SEM1: variants seen among roughly 807,000 people sequenced by gnomAD.
The protein encoded by SEM1 is SEM1 26S proteasome subunit, also known as 26S proteasome complex subunit SEM1.
A neutral mutation model predicts 12.7 loss-of-function variants in SEM1; 3 were observed. The ratio of observed to expected loss-of-function variants is 0.24; its 90% CI spans 0.11 to 0.61. SEM1 has a LOEUF of 0.61. Among genes scored for constraint, SEM1 ranks in the 20% least tolerant of loss-of-function variants. The pLI, the probability that SEM1 is intolerant of heterozygous loss-of-function variation, is 0.88. For missense variants in SEM1, 59 were observed against 81.3 expected, an observed-to-expected ratio of 0.73 and a Z score of 1.06; for synonymous variants, 30 against 27.8, an observed-to-expected ratio of 1.08 and a Z score of -0.25.
chr7:96,553,114 G>C (rs573919949), intron 2 of SEM1, among the ~76,000 whole-genome samples: 1 of 152,226 alleles, frequency 6.6e-6, no homozygotes, highest in South Asian at 2.1e-4. Context: ...AGATGAGTAG[G>C]TTGCGAAAAT....
chr7:96,530,130 T>C (rs1313284164), intron 2 of SEM1, among the ~76,000 whole-genome samples: 1 of 152,102 alleles, frequency 6.6e-6, no homozygotes, highest in Non-Finnish European at 1.5e-5. Flanking sequence ...AAGGCCAAGA[T>C]TACAGTGGAT....
intron 2 of SEM1, among the ~76,000 whole-genome samples, chr7:96,637,066 T>C (rs1808450105): frequency 6.6e-6 from 1 of 152,048 alleles, no homozygotes; most frequent in South Asian, 2.1e-4. Context: ...TTTAAGGCTA[T>C]TGTTAGCCAC....
intron 1 of SEM1, among the ~76,000 whole-genome samples, chr7:96,489,678 T>A (rs1255074541): frequency 6.6e-6 from 1 of 152,166 alleles, no homozygotes; most frequent in African/African-American, 2.4e-5. Context: ...ACCAAGTCAG[T>A]GTTTGCAGGC....
exon 4 of SEM1, chr7:96,481,960 T>C (rs899098090): frequency 3.9e-5 from 6 of 152,182 alleles, no homozygotes; most frequent in African/African-American, 1.4e-4. Context: ...GAACCAGGAA[T>C]GTGAACAAGA....
chr7:96,683,622 G>A (rs1233132913), intron 2 of SEM1, among the ~76,000 whole-genome samples: 1 of 152,106 alleles, frequency 6.6e-6, no homozygotes, highest in Non-Finnish European at 1.5e-5. Flanking sequence ...CAAAGACTTG[G>A]AACCAACCCA....
chr7:96,545,471 TA>T (rs1184455776), intron 2 of SEM1, among the ~76,000 whole-genome samples: 1 of 151,878 alleles, frequency 6.6e-6, no homozygotes, highest in Non-Finnish European at 1.5e-5. Context: ...AAAAAAAATT[TA>T]AGACCAAGGA....
intron 2 of SEM1, among the ~76,000 whole-genome samples, chr7:96,524,399 T>C (rs1018315555): frequency 6.6e-6 from 1 of 152,150 alleles, no homozygotes; most frequent in Non-Finnish European, 1.5e-5. Flanking sequence ...CACACTAAAA[T>C]TGTAGCTAGT....
At chr7:96,577,539 G>A (rs935474342) in intron 2 of SEM1, among the ~76,000 whole-genome samples, 1 of 152,026 alleles carries the variant, frequency 6.6e-6, no homozygotes, top group Non-Finnish European at 1.5e-5. Context: ...TTGGCTCTTG[G>A]TGGATGGGTT....
chr7:96,670,251 G>A (rs1789280655), downstream of SEM1, among the ~76,000 whole-genome samples: 1 of 152,072 alleles, frequency 6.6e-6, no homozygotes, highest in African/African-American at 2.4e-5. Flanking sequence ...CATTAAATTA[G>A]ATCAAATATA....
intron 2 of SEM1, among the ~76,000 whole-genome samples, chr7:96,693,396 G>A (rs1202149157): frequency 6.6e-6 from 1 of 151,964 alleles, no homozygotes; most frequent in African/African-American, 2.4e-5. Flanking sequence ...AGAATGAGCT[G>A]AAGCCCTATT....
chr7:96,670,702 T>C (rs1184121947), downstream of SEM1, among the ~76,000 whole-genome samples: 1 of 152,224 alleles, frequency 6.6e-6, no homozygotes, highest in Non-Finnish European at 1.5e-5. Context: ...GGAAATTATA[T>C]ACTTCATTCA....
intron 2 of SEM1, among the ~76,000 whole-genome samples, chr7:96,641,738 C>G (rs1029108759): frequency 6.6e-6 from 1 of 151,862 alleles, no homozygotes; most frequent in South Asian, 2.1e-4. Flanking sequence ...TTGTCTTTAA[C>G]GTTTAAGTTT....
At chr7:96,497,935 G>T (rs1035843641), upstream of SEM1, among the ~76,000 whole-genome samples, 8 of 152,134 alleles carry the variant, frequency 5.3e-5, no homozygotes, top group Admixed American at 6.6e-5. Context: ...CTGATGAAGA[G>T]AGAAATAGAA....
intron 2 of SEM1, among the ~76,000 whole-genome samples, chr7:96,511,884 G>T (rs1480447696): frequency 6.6e-6 from 1 of 151,948 alleles, no homozygotes; most frequent in Non-Finnish European, 1.5e-5. Flanking sequence ...TTAAAGCAGG[G>T]CTTCTCAACA....
At chr7:96,520,790 A>G (rs758813438) in intron 2 of SEM1, among the ~76,000 whole-genome samples, 8 of 152,092 alleles carry the variant, frequency 5.3e-5, no homozygotes, top group Non-Finnish European at 8.8e-5. Flanking sequence ...GTGACTCAGG[A>G]GAAGACAGAG....
At chr7:96,686,288 T>C (rs952690302), downstream of SEM1, among the ~76,000 whole-genome samples, 2 of 152,142 alleles carry the variant, frequency 1.3e-5, no homozygotes, top group African/African-American at 2.4e-5. Context: ...CAAATACCAA[T>C]TTTCGGGTAC....
At chr7:96,577,625 T>C (rs1282641659) in intron 2 of SEM1, among the ~76,000 whole-genome samples, 1 of 152,060 alleles carries the variant, frequency 6.6e-6, no homozygotes, top group Non-Finnish European at 1.5e-5. Flanking sequence ...TTCAAAGAAT[T>C]CAATGCCCTT....
At chr7:96,608,820 C>T (rs1205080058) in intron 2 of SEM1, among the ~76,000 whole-genome samples, 1 of 152,192 alleles carries the variant, frequency 6.6e-6, no homozygotes, top group Non-Finnish European at 1.5e-5. Context: ...ATCCCTTCAT[C>T]AATTCATGGA....
At chr7:96,679,495 T>C (rs979612448) in intron 2 of SEM1, among the ~76,000 whole-genome samples, 1 of 152,072 alleles carries the variant, frequency 6.6e-6, no homozygotes, top group Non-Finnish European at 1.5e-5. Flanking sequence ...TTAATCTTGG[T>C]GATCGATTTG....
Sources: allele counts gnomAD v4.1 joint callset (sites outside exome capture counted in the v4.1 genomes callset), GRCh38; gene constraint gnomAD v4.1.1; transcripts MANE v1.5; gene names NCBI Gene and HGNC (gene_info 2026-07-23, HGNC 2026-07-21).